HDAC9: variants seen among roughly 807,000 people sequenced by gnomAD.
HDAC9 encodes the protein MEF-2 interacting transcription repressor (MITR) protein.
Under a neutral mutation model 139.4 loss-of-function variants are expected in HDAC9, and 41 were observed. The observed-to-expected ratio is 0.29, with a 90% CI of 0.23 to 0.38. The LOEUF is 0.38. Ranked by LOEUF, HDAC9 falls within the 10% of genes least tolerant of loss-of-function variation. HDAC9 has a pLI of 1.00. For synonymous variants in HDAC9, 517 were observed against 476.2 expected, an observed-to-expected ratio of 1.09 and a Z score of -1.12; for missense variants, 1,147 against 1,297.0, an observed-to-expected ratio of 0.88 and a Z score of 1.78.
At chr7:18,106,473 G>A (rs1177027984) in intron 1 of HDAC9, among the ~76,000 whole-genome samples, 2 of 150,604 alleles carry the variant, frequency 1.3e-5, no homozygotes, top group Non-Finnish European at 3.0e-5. Context: ...TTTTTTTTGA[G>A]ATGGAGTCCC....
At chr7:18,394,408 A>T (rs73307436) in intron 1 of HDAC9, among the ~76,000 whole-genome samples, 1 of 152,292 alleles carries the variant, frequency 6.6e-6, no homozygotes, top group African/African-American at 2.4e-5. Flanking sequence ...CAATGCCATA[A>T]AATATTATTC....
At chr7:18,645,609 T>C (rs1787127065) in intron 9 of HDAC9, among the ~76,000 whole-genome samples, 1 of 152,184 alleles carries the variant, frequency 6.6e-6, no homozygotes, top group South Asian at 2.1e-4. Flanking sequence ...ATAATTATTC[T>C]AGGCATATTC....
At chr7:18,326,274 A>C (rs927762753) in intron 1 of HDAC9, among the ~76,000 whole-genome samples, 2 of 152,056 alleles carry the variant, frequency 1.3e-5, no homozygotes, top group African/African-American at 4.8e-5. Flanking sequence ...AATTCCCTAC[A>C]TTCTTCAAAT....
At chr7:18,101,705 A>G (rs1432538616) in intron 1 of HDAC9, among the ~76,000 whole-genome samples, 1 of 152,218 alleles carries the variant, frequency 6.6e-6, no homozygotes, top group Non-Finnish European at 1.5e-5. Context: ...GTTATATTCT[A>G]TATCATGCTT....
intron 1 of HDAC9, among the ~76,000 whole-genome samples, chr7:18,477,280 G>A (rs1219815767): frequency 6.6e-6 from 1 of 152,066 alleles, no homozygotes; most frequent in Non-Finnish European, 1.5e-5. Flanking sequence ...ATGAATATTA[G>A]GACAATAATA....
chr7:18,489,632 C>G (rs891368123), intron 1 of HDAC9, among the ~76,000 whole-genome samples: 1 of 151,962 alleles, frequency 6.6e-6, no homozygotes, highest in Admixed American at 6.6e-5. Context: ...TAGGGCCTGT[C>G]TCATTCTTGT....
chr7:18,674,775 G>A (rs1781396943), intron 12 of HDAC9, among the ~76,000 whole-genome samples: 1 of 151,886 alleles, frequency 6.6e-6, no homozygotes, highest in Non-Finnish European at 1.5e-5. Flanking sequence ...CTTGTCCTCA[G>A]TGTCCTCCCT....
At chr7:18,667,402 T>C in intron 12 of HDAC9, 2 of 982,424 alleles carry the variant, frequency 2.0e-6, no homozygotes, top group African/African-American at 3.5e-5. Context: ...CTAGAATCTC[T>C]TAAGTATAAT....
At chr7:18,852,060 C>T (rs1797339344) in intron 21 of HDAC9, among the ~76,000 whole-genome samples, 1 of 152,154 alleles carries the variant, frequency 6.6e-6, no homozygotes, top group South Asian at 2.1e-4. Flanking sequence ...AAATGGTACA[C>T]CTCTGTTCTG....
intron 14 of HDAC9, among the ~76,000 whole-genome samples, chr7:18,755,715 T>A (rs1788815247): frequency 6.6e-6 from 1 of 152,040 alleles, no homozygotes; most frequent in South Asian, 2.1e-4. Context: ...CTTAAAAAAA[T>A]AGAGAGTATA....
chr7:18,167,218 A>C (rs941250377), intron 2 of HDAC9, among the ~76,000 whole-genome samples: 7 of 151,414 alleles, frequency 4.6e-5, no homozygotes, highest in African/African-American at 1.7e-4. Flanking sequence ...TACTACTTTA[A>C]CTTCACAGTT....
At chr7:18,947,116 T>C (rs2129319128) in intron 23 of HDAC9, among the ~76,000 whole-genome samples, 1 of 152,152 alleles carries the variant, frequency 6.6e-6, no homozygotes, top group South Asian at 2.1e-4. Flanking sequence ...ACTTGTGTGA[T>C]ATATAAAGCT....
intron 1 of HDAC9, among the ~76,000 whole-genome samples, chr7:18,385,662 C>T (rs186559855): frequency 2.0e-5 from 3 of 152,106 alleles, no homozygotes; most frequent in Admixed American, 6.5e-5. Context: ...TGGAACTATT[C>T]GCTAATAGCC....
At chr7:18,391,229 A>G (rs1786450765) in intron 1 of HDAC9, among the ~76,000 whole-genome samples, 1 of 151,780 alleles carries the variant, frequency 6.6e-6, no homozygotes, top group Non-Finnish European at 1.5e-5. Flanking sequence ...TACTAAAAAT[A>G]CAAAAATTAT....
chr7:18,619,191 A>G (rs1033330055), intron 6 of HDAC9, among the ~76,000 whole-genome samples: 2 of 152,162 alleles, frequency 1.3e-5, no homozygotes, highest in Non-Finnish European at 2.9e-5. Flanking sequence ...CTTGCCAGAA[A>G]AGAGAAATTC....
At chr7:18,483,591 C>T (rs887138211) in intron 1 of HDAC9, among the ~76,000 whole-genome samples, 1 of 151,976 alleles carries the variant, frequency 6.6e-6, no homozygotes, top group South Asian at 2.1e-4. Flanking sequence ...CCCAGGTCGC[C>T]CTATGTTAAG....
intron 2 of HDAC9, among the ~76,000 whole-genome samples, chr7:18,168,273 C>A (rs1414159898): frequency 2.6e-5 from 4 of 152,050 alleles, no homozygotes; most frequent in African/African-American, 9.7e-5. Context: ...TTCTTTATTG[C>A]ATTTTGGGGT....
chr7:18,163,479 T>G (rs1269632544), intron 2 of HDAC9, among the ~76,000 whole-genome samples: 1 of 152,172 alleles, frequency 6.6e-6, no homozygotes, highest in African/African-American at 2.4e-5. Context: ...ATTCTCATAG[T>G]TTTTGATTTC....
chr7:18,912,663 C>G (rs1802844841), intron 22 of HDAC9, among the ~76,000 whole-genome samples: 1 of 152,004 alleles, frequency 6.6e-6, no homozygotes, highest in Non-Finnish European at 1.5e-5. Context: ...TTCTCTATAT[C>G]AAAGCATCGT....
Sources: allele counts gnomAD v4.1 joint callset (sites outside exome capture counted in the v4.1 genomes callset), GRCh38; gene constraint gnomAD v4.1.1; transcripts MANE v1.5; gene names NCBI Gene and HGNC (gene_info 2026-07-23, HGNC 2026-07-21).